DNAH8: variants seen among roughly 807,000 people sequenced by gnomAD.
DNAH8 encodes the protein axonemal beta dynein heavy chain 8.
A neutral mutation model predicts 562.1 loss-of-function variants in DNAH8; 382 were observed. The ratio of observed to expected loss-of-function variants is 0.68; its 90% CI spans 0.63 to 0.74. The LOEUF (loss-of-function observed/expected upper bound fraction) is 0.74, where lower values mean the gene tolerates loss of function less well. Among genes scored for constraint, DNAH8 ranks in the 30% least tolerant of loss-of-function variants. The probability of loss-of-function intolerance (pLI) is 0.00; values close to 1 mark genes in which losing one functional copy is unlikely to be tolerated. For missense variants in DNAH8, 5,203 were observed against 5,620.4 expected (o/e 0.93, Z 2.37); for synonymous variants, 1,881 against 1,919.4 (o/e 0.98, Z 0.52).
intron 10 of DNAH8, among the ~76,000 whole-genome samples, chr6:38,759,033 G>A (rs1301740435): frequency 6.6e-6 from 1 of 152,146 alleles, no homozygotes; most frequent in Non-Finnish European, 1.5e-5. Context: ...ACCAGGCATG[G>A]TGGTTCAGGC....
intron 28 of DNAH8, 109 bp downstream of exon 28, chr6:38,823,797 A>G: frequency 1.9e-6 from 1 of 521,932 alleles, no homozygotes; most frequent in Non-Finnish European, 3.3e-6. Flanking sequence ...TTATACCAAG[A>G]TATAATAATA....
At chr6:38,773,224 CT>C (rs1767748159) in intron 12 of DNAH8, among the ~76,000 whole-genome samples, 4 of 152,036 alleles carry the variant, frequency 2.6e-5, no homozygotes, top group Admixed American at 2.6e-4. Flanking sequence ...TCTGACTCCA[CT>C]AGAGCAAAAA....
chr6:38,883,794 C>A, intron 55 of DNAH8, 82 bp from the exon 56 acceptor site: 1 of 1,137,832 alleles, frequency 8.8e-7, no homozygotes, highest in Non-Finnish European at 1.2e-6. Context: ...AAATTATATT[C>A]TACTCTGACA....
chr6:39,011,143 T>G (rs138877319), intron 89 of DNAH8, among the ~76,000 whole-genome samples: 1 of 150,088 alleles, frequency 6.7e-6, no homozygotes, highest in Non-Finnish European at 1.5e-5. Context: ...TCCGTCTTCC[T>G]CTTTCACTCA....
chr6:38,789,983 C>A, intron 19 of DNAH8, 100 bp downstream of exon 19: 2 of 854,084 alleles, frequency 2.3e-6, no homozygotes, highest in South Asian at 1.8e-5. Flanking sequence ...TTCTTTAGAC[C>A]CTCCATCTTT....
In DNAH8 at chr6:38,862,262, T is replaced by C. The variant is rs964165599; in HGVS notation, c.6132-18T>C. ...GTCATCCCATACTCACAATGCTTTA[T>C]TGGATGAACATTTGCAGATGCTATA... On this transcript the variant is annotated intron_variant, in intron 43 of 92. Transcript: ENST00000327475. 1 of 1,606,200 alleles carries C rather than the reference T, an allele frequency of 6.2e-7. No homozygotes were observed. The highest frequency in any genetic ancestry group is 8.5e-7 in the Non-Finnish European group (1 of 1,176,272).
In DNAH8 at chr6:38,834,623, C is replaced by T. The variant is rs1774127822; in HGVS notation, c.4347C>T (p.Asn1449=). ...ATATACCACCCCAAGAAGCTAGCAACAGGCTACAGATATTTCAGGTGAAAC... is the reference window on the plus strand; with the variant it reads ...ATATACCACCCCAAGAAGCTAGCAATAGGCTACAGATATTTCAGGTGAAAC... The part of the protein sequence containing the change: ...VPNIPPQEAS[N]RLQIFQASFD... Residue 1449 remains asparagine (N), a synonymous_variant, in exon 32 of 93, where the codon AAC becomes AAT. Transcript: ENST00000327475. 1.2e-6 allele frequency: 2 copies of T among 1,607,922 alleles called. No individual in the cohort carries two copies. Among genetic ancestry groups the T allele is most frequent in the South Asian group, 1.1e-5 (1 of 89,756 alleles).
intron 66 of DNAH8, 85 bp from the exon 67 acceptor site, chr6:38,913,764 C>T: frequency 1.1e-6 from 1 of 912,312 alleles, no homozygotes; most frequent in Non-Finnish European, 1.7e-6. Flanking sequence ...TGTACAGTGC[C>T]TAATAAATAG....
At chr6:38,739,885 G>A (rs773847927) in intron 7 of DNAH8, among the ~76,000 whole-genome samples, 1 of 152,174 alleles carries the variant, frequency 6.6e-6, no homozygotes, top group Non-Finnish European at 1.5e-5. Context: ...AATTGTGCGT[G>A]TGTGTATGAT....
At chr6:39,013,937 C>A (rs547809726) in intron 91 of DNAH8, among the ~76,000 whole-genome samples, 185 of 152,148 alleles carry the variant, frequency 1.2e-3, no homozygotes, top group African/African-American at 4.3e-3. Flanking sequence ...ACTTCTAGAT[C>A]TGGATACTGG....
intron 41 of DNAH8, 87 bp downstream of exon 41, chr6:38,853,434 G>A: frequency 7.0e-7 from 1 of 1,420,788 alleles, no homozygotes; most frequent in Non-Finnish European, 9.7e-7. Flanking sequence ...CTGATGGTGT[G>A]AGGCAATTGT....
At chr6:38,801,898 G>A (rs1770807406) in intron 21 of DNAH8, among the ~76,000 whole-genome samples, 1 of 152,112 alleles carries the variant, frequency 6.6e-6, no homozygotes, top group African/African-American at 2.4e-5. Flanking sequence ...GACAGACTTG[G>A]GATCCTCTGC....
chr6:38,765,112 A>G (rs934437656), intron 11 of DNAH8, among the ~76,000 whole-genome samples: 1 of 152,246 alleles, frequency 6.6e-6, no homozygotes, highest in African/African-American at 2.4e-5. Context: ...TTGGGATCAC[A>G]GGCGTAAGCC....
intron 70 of DNAH8, 49 bp downstream of exon 70, chr6:38,918,189 GTCA>G: frequency 7.3e-7 from 1 of 1,375,528 alleles, no homozygotes; most frequent in Non-Finnish European, 1.0e-6. Flanking sequence ...CATAAAATCA[GTCA>G]TCAGTATTAC....
intron 18 of DNAH8, among the ~76,000 whole-genome samples, chr6:38,788,046 C>T (rs551319935): frequency 5.9e-5 from 9 of 152,124 alleles, no homozygotes; most frequent in African/African-American, 2.2e-4. Context: ...ACTATACAGA[C>T]ATTAATGGAA....
At chr6:38,899,089 G>C (rs575758778) in intron 61 of DNAH8, among the ~76,000 whole-genome samples, 1 of 152,230 alleles carries the variant, frequency 6.6e-6, no homozygotes, top group South Asian at 2.1e-4. Context: ...TGAATTTACT[G>C]ATCCATCTAG....
chr6:39,006,866 T>G (rs1765829955), intron 88 of DNAH8, among the ~76,000 whole-genome samples: 1 of 152,164 alleles, frequency 6.6e-6, no homozygotes, highest in African/African-American at 2.4e-5. Flanking sequence ...ACCCTTATAC[T>G]GAGGTTGTAG....
chr6:38,917,263 A>G lies in DNAH8; in HGVS notation c.10165A>G (p.Thr3389Ala), dbSNP rs1216460713. ...LNTIKPNDIA[T>A]VRKLAKPPHL... Reference sequence around the variant, plus strand: ...GACTATCAAGCCAAATGATATTGCCACAGTCAGGAAACTTGCAAAACCACC... The same window carrying G: ...GACTATCAAGCCAAATGATATTGCCGCAGTCAGGAAACTTGCAAAACCACC... The change falls in exon 69 of 93, where the codon ACA becomes GCA. Residue 3389 changes from threonine (T) to alanine (A), a missense_variant. Thr to Ala is a moderately conservative substitution (Grantham distance 58). This residue lies in a region of DNAH8 where 87 missense variants were observed against 144.9 expected (regional missense o/e 0.60). Transcript: ENST00000327475. 6.2e-7 allele frequency: 1 copy of G among 1,612,622 alleles called. No individual in the cohort carries two copies. Among genetic ancestry groups the G allele is most frequent in the Admixed American group, 1.7e-5 (1 of 59,924 alleles).
chr6:39,028,652 A>G (rs1385706707), intron 92 of DNAH8, among the ~76,000 whole-genome samples: 2 of 152,208 alleles, frequency 1.3e-5, no homozygotes, highest in Non-Finnish European at 2.9e-5. Flanking sequence ...GTTTTGGGTG[A>G]CACTATTCTA....
Sources: gnomAD v4.1 joint callset for allele counts (sites outside exome capture counted in the v4.1 genomes callset) on GRCh38, gnomAD v4.1.1 for gene constraint, gnomAD v4.1.1 regional missense constraint, MANE v1.5 for transcripts, NCBI Gene and HGNC (gene_info 2026-07-23, HGNC 2026-07-21) for gene names.